Variants in SLC39A11 observed in about 807,000 individuals in gnomAD.
SLC39A11 encodes solute carrier family 39 member 11.
SLC39A11 carries 33 observed loss-of-function variants against 36.1 expected under a neutral mutation model. The ratio of observed to expected loss-of-function variants is 0.91; its 90% confidence interval spans 0.69 to 1.22. The LOEUF is 1.22. SLC39A11 is among the 50% of genes most tolerant of loss of function. SLC39A11 has a pLI of 0.00. For missense variants in SLC39A11, 432 were observed against 430.3 expected, an observed-to-expected ratio of 1.00 and a Z score of -0.03; for synonymous variants, 166 against 170.3, an observed-to-expected ratio of 0.97 and a Z score of 0.20.
rs552915775 is a variant in SLC39A11 at position 72,930,434 on chromosome 17, T to G, written c.430+17318A>C. On this transcript the variant is annotated intron_variant, in intron 5 of 9. Coordinates refer to ENST00000255559, the MANE Select transcript of SLC39A11 (RefSeq NM_139177.4). ...AGTCTCTACCCTCATCCTACTGTTC[T>G]TGTCCAGCCTGAGACAGGTCTACGG... 3.3e-5 allele frequency among the ~76,000 whole-genome samples: 5 copies of G among 152,308 alleles called. No homozygotes were observed. In the South Asian group the frequency reaches 1.0e-3, roughly 32 times the overall value.
intron 7 of SLC39A11, among the ~76,000 whole-genome samples, chr17:72,673,103 G>T (rs1354582968): frequency 6.6e-6 from 1 of 151,942 alleles, no homozygotes; most frequent in Non-Finnish European, 1.5e-5. Context: ...TCTTTTTGTT[G>T]TTGTTGTTGT....
intron 4 of SLC39A11, among the ~76,000 whole-genome samples, chr17:72,973,010 C>T (rs2087568380): frequency 6.6e-6 from 1 of 151,786 alleles, no homozygotes; most frequent in Non-Finnish European, 1.5e-5. Flanking sequence ...TCCTGGACAG[C>T]GACCACACAG....
intron 7 of SLC39A11, among the ~76,000 whole-genome samples, chr17:72,659,375 C>A (rs184206343): frequency 9.3e-4 from 142 of 152,096 alleles, no homozygotes; most frequent in Non-Finnish European, 1.6e-3. Context: ...AGGATGGGGA[C>A]AATTTTAATA....
intron 5 of SLC39A11, among the ~76,000 whole-genome samples, chr17:72,853,169 C>G (rs562713851): frequency 6.6e-6 from 1 of 151,394 alleles, no homozygotes; most frequent in Non-Finnish European, 1.5e-5. Context: ...TGCACGCCAC[C>G]ATGGCCAGCT....
intron 4 of SLC39A11, among the ~76,000 whole-genome samples, chr17:72,963,392 G>A (rs1030591131): frequency 3.1e-4 from 47 of 151,608 alleles, no homozygotes; most frequent in African/African-American, 1.1e-3. Context: ...GGATGGTCTT[G>A]ATCTCCTGAC....
intron 5 of SLC39A11, among the ~76,000 whole-genome samples, chr17:72,863,264 G>C (rs1319409949): frequency 1.3e-5 from 2 of 152,142 alleles, no homozygotes; most frequent in African/African-American, 4.8e-5. Flanking sequence ...CTTTTGCCAA[G>C]AACATGTTCC....
chr17:72,960,843 C>G (rs1427463904), intron 4 of SLC39A11, among the ~76,000 whole-genome samples: 2 of 151,872 alleles, frequency 1.3e-5, no homozygotes, highest in Non-Finnish European at 2.9e-5. Flanking sequence ...AAAAACCCTT[C>G]CTTTTTCTTC....
intron 6 of SLC39A11, among the ~76,000 whole-genome samples, chr17:72,738,300 G>A (rs1007385973): frequency 1.8e-4 from 27 of 152,152 alleles, no homozygotes; most frequent in African/African-American, 6.5e-4. Context: ...CACCGCACCT[G>A]GCCAAGCAAG....
chr17:72,772,788 G>A (rs1384127027), intron 6 of SLC39A11, among the ~76,000 whole-genome samples: 2 of 152,090 alleles, frequency 1.3e-5, no homozygotes, highest in African/African-American at 2.4e-5. Context: ...AGAGAGGAAA[G>A]AGAGAAATGC....
intron 6 of SLC39A11, among the ~76,000 whole-genome samples, chr17:72,841,148 T>C (rs995165885): frequency 6.6e-6 from 1 of 152,234 alleles, no homozygotes; most frequent in Non-Finnish European, 1.5e-5. Flanking sequence ...CCAGTTCTTC[T>C]AGGTGCTCAA....
At chr17:72,650,980 G>C (rs1312318628) in intron 7 of SLC39A11, among the ~76,000 whole-genome samples, 1 of 152,010 alleles carries the variant, frequency 6.6e-6, no homozygotes, top group Non-Finnish European at 1.5e-5. Flanking sequence ...TTTGTTTCAG[G>C]GTTTGGCCTT....
At chr17:72,725,125 AAAT>A (rs1245682275) in intron 7 of SLC39A11, among the ~76,000 whole-genome samples, 4 of 152,220 alleles carry the variant, frequency 2.6e-5, no homozygotes, top group African/African-American at 7.2e-5. Context: ...CGCATGCAAT[AAAT>A]AACATTATGT....
chr17:72,794,305 C>G (rs1433367825), intron 6 of SLC39A11, among the ~76,000 whole-genome samples: 1 of 152,040 alleles, frequency 6.6e-6, no homozygotes, highest in Non-Finnish European at 1.5e-5. Flanking sequence ...GGCAGCAAAG[C>G]CTTGGAGAAT....
intron 5 of SLC39A11, among the ~76,000 whole-genome samples, chr17:72,936,388 G>T (rs1020146186): frequency 4.9e-5 from 6 of 121,834 alleles, no homozygotes; most frequent in Non-Finnish European, 9.6e-5. Context: ...ACAGGTTATG[G>T]CAGTATCTCA....
chr17:72,882,248 C>A (rs761215755), intron 5 of SLC39A11, among the ~76,000 whole-genome samples: 2 of 151,504 alleles, frequency 1.3e-5, no homozygotes. Flanking sequence ...CCCAGCCACT[C>A]GGGACGCTGA....
At chr17:73,043,826 T>C (rs539294116) in intron 3 of SLC39A11, among the ~76,000 whole-genome samples, 1 of 152,290 alleles carries the variant, frequency 6.6e-6, no homozygotes, top group Non-Finnish European at 1.5e-5. Context: ...GCCACATGAA[T>C]TTTGCATTGA....
chr17:73,088,648 G>C lies in SLC39A11; in HGVS notation c.108+9C>G. On this transcript the variant is annotated intron_variant, in intron 2 of 9. Coordinates refer to ENST00000255559, the MANE Select transcript of SLC39A11 (RefSeq NM_139177.4). ...CACCAACATCCAGAACCAAAGCAAGGCAACTCACCTGTCCACTAGAGAATA... is the reference window on the plus strand; with the variant it reads ...CACCAACATCCAGAACCAAAGCAAGCCAACTCACCTGTCCACTAGAGAATA... 6.2e-7 allele frequency: 1 copy of C among 1,607,216 alleles called. No homozygotes were observed. Among genetic ancestry groups the C allele is most frequent in the Non-Finnish European group, 8.5e-7 (1 of 1,176,156 alleles).
chr17:72,754,617 G>A (rs1002048775), intron 6 of SLC39A11, among the ~76,000 whole-genome samples: 1 of 152,174 alleles, frequency 6.6e-6, no homozygotes, highest in Non-Finnish European at 1.5e-5. Context: ...TGATGGGACA[G>A]TGGATTCCTT....
At chr17:72,970,662 C>A (rs1002361933) in intron 4 of SLC39A11, among the ~76,000 whole-genome samples, 5 of 152,186 alleles carry the variant, frequency 3.3e-5, no homozygotes, top group African/African-American at 9.6e-5. Flanking sequence ...AGAAGACTGT[C>A]ATTTTATGCT....
Sources: gnomAD v4.1 joint callset for allele counts (sites outside exome capture counted in the v4.1 genomes callset) on GRCh38, gnomAD v4.1.1 for gene constraint, MANE v1.5 for transcripts, NCBI Gene and HGNC (gene_info 2026-07-23, HGNC 2026-07-21) for gene names.